Variants in TNIK observed in about 807,000 individuals in gnomAD.
TNIK encodes TRAF2 and NCK-interacting protein kinase.
A neutral mutation model predicts 191.3 loss-of-function variants in TNIK; 49 were observed. The ratio of observed to expected loss-of-function variants is 0.26; its 90% confidence interval spans 0.20 to 0.32. The LOEUF is 0.32. TNIK is among the 10% of genes least tolerant of loss of function. The pLI is 1.00. For synonymous variants in TNIK, 594 were observed against 600.9 expected (o/e 0.99, Z 0.17); for missense variants, 1,155 against 1,702.3 (o/e 0.68, Z 5.66).
At chr3:171,443,332 G>A (rs369433714) in intron 1 of TNIK, among the ~76,000 whole-genome samples, 9 of 152,008 alleles carry the variant, frequency 5.9e-5, no homozygotes, top group East Asian at 5.8e-4. Context: ...TTTCAACCAC[G>A]CCAATTGCAA....
Position 171,063,774 on chromosome 3 carries a change from TCAAC to T in TNIK, c.*103_*106del. The T allele has an allele frequency of 8.8e-7, 1 of 1,133,658 alleles. No homozygotes were observed. The allele number at this position is 1,133,658 out of a possible 1,614,324, so 70.2% of individuals were successfully genotyped here. The stretch of plus-strand genomic sequence containing the variant: ...AGAGGAAAAAGGGAAAGCGATATGT[TCAAC>T]CAAGCCTTCTGATTCTGCCTCTAGA... On this transcript the variant is annotated 3_prime_UTR_variant, in exon 33 of 33. Transcript: ENST00000436636.
chr3:171,447,187 T>A (rs1421298398), intron 1 of TNIK, among the ~76,000 whole-genome samples: 1 of 151,554 alleles, frequency 6.6e-6, no homozygotes, highest in African/African-American at 2.4e-5. Context: ...CTAGACTCCA[T>A]CTCAAACAAA....
At chr3:171,401,336 C>A (rs1353659287) in intron 1 of TNIK, among the ~76,000 whole-genome samples, 1 of 152,142 alleles carries the variant, frequency 6.6e-6, no homozygotes, top group African/African-American at 2.4e-5. Context: ...CACCAGCAGA[C>A]CTACTGAACG....
At chr3:171,383,544 T>G (rs559929599) in intron 1 of TNIK, among the ~76,000 whole-genome samples, 1 of 152,350 alleles carries the variant, frequency 6.6e-6, no homozygotes, top group South Asian at 2.1e-4. Flanking sequence ...ATTTTGTCTT[T>G]GTTCCACTTT....
intron 21 of TNIK, among the ~76,000 whole-genome samples, chr3:171,106,320 G>GA (rs1724873596): frequency 6.6e-6 from 1 of 152,164 alleles, no homozygotes; most frequent in Non-Finnish European, 1.5e-5. Context: ...TATGGATGAG[G>GA]AAACTCTGGC....
rs768871302 is a variant in TNIK at position 171,139,464 on chromosome 3, C to G, written c.1419+6G>C. 6.2e-7 allele frequency: 1 copy of G among 1,612,536 alleles called. No individual in the cohort carries two copies. The highest frequency in any genetic ancestry group is 8.5e-7 in the Non-Finnish European group (1 of 1,179,084). ...CAGGTCAGCTGGTTCTTGGCTTTCTCATTACCAGAAGTAGAGCTTGTTCAT... is the reference window on the plus strand; with the variant it reads ...CAGGTCAGCTGGTTCTTGGCTTTCTGATTACCAGAAGTAGAGCTTGTTCAT... On this transcript the variant is annotated splice_donor_region_variant and intron_variant, in intron 14 of 32. Transcript: ENST00000436636.
At chr3:171,098,428 C>T (rs1274166958) in intron 22 of TNIK, among the ~76,000 whole-genome samples, 2 of 152,104 alleles carry the variant, frequency 1.3e-5, no homozygotes, top group South Asian at 2.1e-4. Context: ...TCCCTCCACT[C>T]GTTATTTTTC....
At chr3:171,071,142 G>A (rs1719123677) in intron 29 of TNIK, 81 bp downstream of exon 29, 3 of 1,031,854 alleles carry the variant, frequency 2.9e-6, no homozygotes, top group African/African-American at 3.2e-5. Context: ...ATTGGTATTG[G>A]TCTATATGGA....
At chr3:171,116,084 T>A (rs574073037) in intron 18 of TNIK, among the ~76,000 whole-genome samples, 62 of 152,360 alleles carry the variant, frequency 4.1e-4, no homozygotes, top group African/African-American at 1.4e-3. Flanking sequence ...GTATTTAGTC[T>A]CTATGTTACC....
intron 1 of TNIK, among the ~76,000 whole-genome samples, chr3:171,416,211 C>T (rs1723067161): frequency 6.6e-6 from 1 of 151,834 alleles, no homozygotes; most frequent in Non-Finnish European, 1.5e-5. Flanking sequence ...GCAGATATGA[C>T]AGTAAATTGG....
At chr3:171,078,751 T>G (rs112634953) in intron 28 of TNIK, among the ~76,000 whole-genome samples, 48 of 152,340 alleles carry the variant, frequency 3.2e-4, no homozygotes, top group African/African-American at 1.1e-3. Flanking sequence ...TTAGTACCTG[T>G]ACATCTTTTC....
In TNIK at chr3:171,295,005, A is replaced by AAC. The variant is rs1553881829; in HGVS notation, c.124-66785_124-66784insGT. On this transcript the variant is annotated intron_variant, in intron 2 of 32. Transcript: ENST00000436636. ...TCACTTTGAATAGGTCTGGCCAGGG[A>AAC]AGAGAGAGAGAGAGAGAGAGAGGAA... Among the ~76,000 whole-genome samples the AAC allele has an allele frequency of 7.5e-4, 110 of 146,700 alleles. 1 individual carries two copies. In the South Asian group the frequency reaches 0.022, roughly 30 times the overall value.
chr3:171,188,290 A>C (rs1577071271), intron 7 of TNIK, among the ~76,000 whole-genome samples: 1 of 151,900 alleles, frequency 6.6e-6, no homozygotes, highest in Non-Finnish European at 1.5e-5. Context: ...TTGTAGAAGT[A>C]AGTCAGATTA....
At chr3:171,420,363 C>T (rs1723621312) in intron 1 of TNIK, among the ~76,000 whole-genome samples, 1 of 152,154 alleles carries the variant, frequency 6.6e-6, no homozygotes, top group Non-Finnish European at 1.5e-5. Context: ...TACATGAAGG[C>T]AAGCAGTAAA....
chr3:171,437,913 A>G (rs921062590), intron 1 of TNIK, among the ~76,000 whole-genome samples: 4 of 152,224 alleles, frequency 2.6e-5, no homozygotes, highest in Admixed American at 6.5e-5. Context: ...GTTGATAACC[A>G]GCTAATCAGC....
At chr3:171,195,976 T>C (rs1272466107) in intron 4 of TNIK, among the ~76,000 whole-genome samples, 1 of 152,178 alleles carries the variant, frequency 6.6e-6, no homozygotes, top group Non-Finnish European at 1.5e-5. Context: ...TGAGCATAGA[T>C]AAGAATAATA....
intron 2 of TNIK, among the ~76,000 whole-genome samples, chr3:171,323,472 A>G (rs1390152739): frequency 6.6e-6 from 1 of 152,180 alleles, no homozygotes; most frequent in East Asian, 1.9e-4. Context: ...CCTAGAATCT[A>G]ATTCATTCAT....
At chr3:171,408,552 A>G (rs1025068260) in intron 1 of TNIK, among the ~76,000 whole-genome samples, 2 of 152,204 alleles carry the variant, frequency 1.3e-5, no homozygotes, top group African/African-American at 4.8e-5. Context: ...TCTGGATCCA[A>G]TTCAGCATCT....
chr3:171,284,786 T>C lies in TNIK; in HGVS notation c.124-56565A>G, dbSNP rs1750842371. 3.9e-5 allele frequency among the ~76,000 whole-genome samples: 6 copies of C among 152,172 alleles called. No individual in the cohort carries two copies. The South Asian group carries it at 1.2e-3, about 31-fold the overall frequency. On this transcript the variant is annotated intron_variant, in intron 2 of 32. Coordinates refer to ENST00000436636, the MANE Select transcript of TNIK (RefSeq NM_015028.4). ...AATCCTCCACAAACTCTAGCAAATA[T>C]GTATTAATACAGTAATAAGTAATTC...
Sources: gnomAD v4.1 joint callset for allele counts (sites outside exome capture counted in the v4.1 genomes callset) on GRCh38, gnomAD v4.1.1 for gene constraint, MANE v1.5 for transcripts, NCBI Gene and HGNC (gene_info 2026-07-23, HGNC 2026-07-21) for gene names.